HBM: variants seen among roughly 807,000 people sequenced by gnomAD.
The protein encoded by HBM is hemoglobin subunit mu.
HBM carries 9 observed loss-of-function variants against 12.8 expected under a neutral mutation model. The observed-to-expected ratio is 0.70, with a 90% CI of 0.42 to 1.23. The LOEUF (loss-of-function observed/expected upper bound fraction) is 1.23. HBM is among the 50% of genes most tolerant of loss of function. The pLI, the probability that HBM is intolerant of heterozygous loss-of-function variation, is 0.00. For synonymous variants in HBM, 100 were observed against 92.0 expected, an observed-to-expected ratio of 1.09 and a Z score of -0.50; for missense variants, 214 against 195.4, an observed-to-expected ratio of 1.10 and a Z score of -0.57.
In HBM at chr16:166,438, C is replaced by A; in HGVS notation, c.263C>A (p.Ala88Glu). 6.5e-7 allele frequency: 1 copy of A among 1,548,682 alleles called. No homozygotes were observed. Among genetic ancestry groups the A allele is most frequent in the Non-Finnish European group, 8.7e-7 (1 of 1,153,342 alleles). Residue 88 changes from alanine to glutamate, a missense_variant, in exon 2 of 3, where the codon GCG becomes GAG. By Grantham distance (107) the Ala-to-Glu change is moderately radical. Coordinates refer to ENST00000356815, the MANE Select transcript of HBM (RefSeq NM_001003938.4). ...AALSPLADLH[A>E]LVLRVDPANF... ...CTGAGCCCGCTGGCGGACCTGCACG[C>A]GCTCGTGCTGCGCGTGGACCCAGCC... is the stretch of plus-strand genomic sequence containing the variant.
At position 166,111 on chromosome 16, in the gene HBM, G is replaced by A. The variant is rs558547203; in HGVS notation, c.92+22G>A. 207 of 1,566,144 alleles carry A rather than the reference G, an allele frequency of 1.3e-4. No individual in the cohort carries two copies. The South Asian group carries it at 1.7e-3, about 13-fold the overall frequency. ...TCAGGTCGGTAGAGGCGGGGTCTCCGGGAGCTCAGGGAGGTGGAGATGAGG... is the reference window on the plus strand; with the variant it reads ...TCAGGTCGGTAGAGGCGGGGTCTCCAGGAGCTCAGGGAGGTGGAGATGAGG... On this transcript the variant is annotated intron_variant, in intron 1 of 2. Coordinates refer to ENST00000356815, the MANE Select transcript of HBM (RefSeq NM_001003938.4).
Position 166,022 on chromosome 16 carries a change from C to G in HBM, c.25C>G (p.Gln9Glu), listed in dbSNP as rs1901903400. The change falls in exon 1 of 3, where the codon CAA becomes GAA. Residue 9 changes from glutamine (Q) to glutamate (E), a missense_variant. Transcript: ENST00000356815. ...CATGCTCAGCGCCCAGGAGCGCGCC[C>G]AAATCGCGCAGGTCTGGGACCTGAT... MLSAQERAQIAQVWDLIAG... is the reference protein window; with the variant it reads MLSAQERAEIAQVWDLIAG... 6.3e-7 allele frequency: 1 copy of G among 1,595,372 alleles called. No homozygotes were observed. The highest frequency in any genetic ancestry group is 1.1e-5 in the South Asian group (1 of 89,256).
Position 166,742 on chromosome 16 carries a change from T to A in HBM, c.*34T>A. On this transcript the variant is annotated 3_prime_UTR_variant, in exon 3 of 3. Transcript: ENST00000356815. ...CTGCGCAGGCCTTGGTCTGTGCCTG[T>A]CAATAAACAGAGGCCCGAACCATCT... 6.2e-7 allele frequency: 1 copy of A among 1,611,306 alleles called. No homozygotes were observed. The highest frequency in any genetic ancestry group is 8.5e-7 in the Non-Finnish European group (1 of 1,178,620).
Position 166,414 on chromosome 16 carries a change from T to G in HBM, c.239T>G (p.Leu80Arg). Residue 80 changes from leucine to arginine, a missense_variant, in exon 2 of 3, where the codon CTG becomes CGG. Leu to Arg is a moderately radical substitution (Grantham distance 102). Transcript: ENST00000356815. Reference sequence around the variant, plus strand: ...CACGTGGACAACCTGCGCGCCGCGCTGAGCCCGCTGGCGGACCTGCACGCG... The same window carrying G: ...CACGTGGACAACCTGCGCGCCGCGCGGAGCCCGCTGGCGGACCTGCACGCG... ...VQHVDNLRAA[L>R]SPLADLHALV... The G allele has an allele frequency of 1.3e-6, 2 of 1,556,488 alleles. No individual in the cohort carries two copies. The highest frequency in any genetic ancestry group is 1.7e-6 in the Non-Finnish European group (2 of 1,158,358).
intron 2 of HBM, 44 bp downstream of exon 2, chr16:166,516 G>T: frequency 6.3e-7 from 1 of 1,576,770 alleles, no homozygotes; most frequent in South Asian, 1.1e-5. Context: ...GCGCAGCCGG[G>T]GTGGGGGGGC....
Position 166,396 on chromosome 16 carries a change from A to G in HBM, c.221A>G (p.Asp74Gly), listed in dbSNP as rs1439169160. Reference protein sequence around the residue: ...AAVGAAVQHVDNLRAALSPLA... With the variant: ...AAVGAAVQHVGNLRAALSPLA... ...GTGGGCGCGGCGGTGCAGCACGTGG[A>G]CAACCTGCGCGCCGCGCTGAGCCCG... is the stretch of plus-strand genomic sequence containing the variant. Residue 74 changes from aspartate to glycine, a missense_variant, in exon 2 of 3, where the codon GAC becomes GGC. Coordinates refer to ENST00000356815, the MANE Select transcript of HBM (RefSeq NM_001003938.4). 1.3e-6 allele frequency: 2 copies of G among 1,567,594 alleles called. No homozygotes were observed. The highest frequency in any genetic ancestry group is 1.8e-5 in the Admixed American group (1 of 55,280).
rs75368786 is a variant in HBM at position 166,743 on chromosome 16, C to A, written c.*35C>A. On this transcript the variant is annotated 3_prime_UTR_variant, in exon 3 of 3. Coordinates refer to ENST00000356815, the MANE Select transcript of HBM (RefSeq NM_001003938.4). ...TGCGCAGGCCTTGGTCTGTGCCTGT[C>A]AATAAACAGAGGCCCGAACCATCTG... 3.1e-3 allele frequency: 5,053 copies of A among 1,610,788 alleles called. 179 individuals are homozygous for A. In the East Asian group the frequency reaches 0.072, roughly 23 times the overall value.
rs1901919864 is a variant in HBM, at chr16:166,657, G to T, written c.375G>T (p.Trp125Cys). The T allele has an allele frequency of 6.2e-7, 1 of 1,614,008 alleles. No individual in the cohort carries two copies. Among genetic ancestry groups the T allele is most frequent in the South Asian group, 1.1e-5 (1 of 91,078 alleles). The change falls in exon 3 of 3, where the codon TGG becomes TGT. Residue 125 changes from tryptophan (W) to cysteine (C), a missense_variant. Physicochemically the swap from Trp to Cys is radical, Grantham distance 215. Transcript: ENST00000356815. ...DEFTVQMQAA[W>C]DKFLTGVAVV... is the part of the protein sequence containing the mutation. ...TCACCGTGCAAATGCAAGCGGCGTG[G>T]GACAAGTTCCTGACTGGTGTGGCCG...
At position 166,034 on chromosome 16, in the gene HBM, G is replaced by A. The variant is rs751551683; in HGVS notation, c.37G>A (p.Val13Ile). The change falls in exon 1 of 3, where the codon GTC becomes ATC. Residue 13 changes from valine (V) to isoleucine (I), a missense_variant. Transcript: ENST00000356815. ...CCAGGAGCGCGCCCAAATCGCGCAG[G>A]TCTGGGACCTGATTGCGGGCCACGA... The part of the protein sequence containing the change: ...SAQERAQIAQ[V>I]WDLIAGHEAQ... 3 of 1,599,836 alleles carry A rather than the reference G, an allele frequency of 1.9e-6. No individual in the cohort carries two copies. Among genetic ancestry groups the A allele is most frequent in the Non-Finnish European group, 1.7e-6 (2 of 1,176,120 alleles).
chr16:166,394 G>A lies in HBM; in HGVS notation c.219G>A (p.Val73=). ...CTGTGGGCGCGGCGGTGCAGCACGT[G>A]GACAACCTGCGCGCCGCGCTGAGCC... The part of the protein sequence containing the change: ...LAAVGAAVQH[V]DNLRAALSPL... The change falls in exon 2 of 3, where the codon GTG becomes GTA. Residue 73 remains valine, a synonymous_variant. Coordinates refer to ENST00000356815, the MANE Select transcript of HBM (RefSeq NM_001003938.4). 1.3e-6 allele frequency: 2 copies of A among 1,568,990 alleles called. No homozygotes were observed. Among genetic ancestry groups the A allele is most frequent in the African/African-American group, 1.3e-5 (1 of 74,308 alleles).
chr16:166,438 C>T lies in HBM; in HGVS notation c.263C>T (p.Ala88Val), dbSNP rs758095270. ...CTGAGCCCGCTGGCGGACCTGCACGCGCTCGTGCTGCGCGTGGACCCAGCC... is the reference window on the plus strand; with the variant it reads ...CTGAGCCCGCTGGCGGACCTGCACGTGCTCGTGCTGCGCGTGGACCCAGCC... The part of the protein sequence containing the change: ...AALSPLADLH[A>V]LVLRVDPANF... Residue 88 changes from alanine to valine, a missense_variant, in exon 2 of 3, where the codon GCG becomes GTG. Coordinates refer to ENST00000356815, the MANE Select transcript of HBM (RefSeq NM_001003938.4). 12 of 1,548,568 alleles carry T rather than the reference C, an allele frequency of 7.7e-6. No homozygotes were observed. In the Admixed American group the frequency reaches 1.7e-4, roughly 22 times the overall value.
intron 2 of HBM, 31 bp downstream of exon 2, chr16:166,503 A>C: frequency 1.3e-6 from 2 of 1,524,968 alleles, no homozygotes; most frequent in South Asian, 2.3e-5. Context: ...GCAATGGTGC[A>C]GCGCGCAGCC....
In HBM at chr16:166,546, G is replaced by T. The variant is rs775425967; in HGVS notation, c.298-34G>T. The T allele has an allele frequency of 6.9e-6, 11 of 1,605,564 alleles. No homozygotes were observed. In the Middle Eastern group the frequency reaches 5.0e-4, roughly 73 times the overall value. Reference sequence around the variant, plus strand: ...GGGGGCTCTGGGGGTCCCTAGCGGGGCAGACCCCGTCTCACCGGCCCCTTC... The same window carrying T: ...GGGGGCTCTGGGGGTCCCTAGCGGGTCAGACCCCGTCTCACCGGCCCCTTC... On this transcript the variant is annotated intron_variant, in intron 2 of 2. Transcript: ENST00000356815.
At position 166,715 on chromosome 16, in the gene HBM, T is replaced by C. The variant is rs755711188; in HGVS notation, c.*7T>C. The C allele has an allele frequency of 2.1e-5, 34 of 1,613,802 alleles. No individual in the cohort carries two copies. The highest frequency in any genetic ancestry group is 1.6e-4 in the Middle Eastern group (1 of 6,084). On this transcript the variant is annotated 3_prime_UTR_variant, in exon 3 of 3. Coordinates refer to ENST00000356815, the MANE Select transcript of HBM (RefSeq NM_001003938.4). ...GACCGAAAAATACCGCTGAGCCCTG[T>C]GCTGCGCAGGCCTTGGTCTGTGCCT... is the stretch of plus-strand genomic sequence containing the variant.
chr16:166,402 T>C lies in HBM; in HGVS notation c.227T>C (p.Leu76Pro). 2 of 1,564,322 alleles carry C rather than the reference T, an allele frequency of 1.3e-6. No homozygotes were observed. The highest frequency in any genetic ancestry group is 2.3e-5 in the South Asian group (2 of 87,378). Residue 76 changes from leucine to proline, a missense_variant, in exon 2 of 3, where the codon CTG (leucine) becomes CCG (proline). Transcript: ENST00000356815. The stretch of plus-strand genomic sequence containing the variant: ...GCGGCGGTGCAGCACGTGGACAACC[T>C]GCGCGCCGCGCTGAGCCCGCTGGCG... Reference protein sequence around the residue: ...VGAAVQHVDNLRAALSPLADL... With the variant: ...VGAAVQHVDNPRAALSPLADL...
Position 166,374 on chromosome 16 carries a change from G to C in HBM, c.199G>C (p.Gly67Arg). The change falls in exon 2 of 3, where the codon GGC becomes CGC. Residue 67 changes from glycine (G) to arginine (R), a missense_variant. By Grantham distance (125) the Gly-to-Arg change is moderately radical (BLOSUM62 -2). Coordinates refer to ENST00000356815, the MANE Select transcript of HBM (RefSeq NM_001003938.4). The stretch of plus-strand genomic sequence containing the variant: ...CGGGCAGCGCATGCTGGCGGCTGTG[G>C]GCGCGGCGGTGCAGCACGTGGACAA... ...SHGQRMLAAV[G>R]AAVQHVDNLR... is the part of the protein sequence containing the mutation. The C allele has an allele frequency of 6.3e-7, 1 of 1,581,618 alleles. No individual in the cohort carries two copies. The highest frequency in any genetic ancestry group is 8.5e-7 in the Non-Finnish European group (1 of 1,172,272).
In HBM at chr16:166,006, C is replaced by G. The variant is rs777185588; in HGVS notation, c.9C>G (p.Ser3Arg). Residue 3 changes from serine (S) to arginine (R), a missense_variant, in exon 1 of 3, where the codon AGC (serine) becomes AGG (arginine). Ser to Arg is a moderately radical substitution (Grantham distance 110). Coordinates refer to ENST00000356815, the MANE Select transcript of HBM (RefSeq NM_001003938.4). Reference sequence around the variant, plus strand: ...GCACGTCAGGCGGCGCCATGCTCAGCGCCCAGGAGCGCGCCCAAATCGCGC... The same window carrying G: ...GCACGTCAGGCGGCGCCATGCTCAGGGCCCAGGAGCGCGCCCAAATCGCGC... The part of the protein sequence containing the change: ML[S>R]AQERAQIAQV... 6.3e-7 allele frequency: 1 copy of G among 1,585,462 alleles called. No homozygotes were observed. The highest frequency in any genetic ancestry group is 1.1e-5 in the South Asian group (1 of 88,416).
chr16:166,614 C>G lies in HBM; in HGVS notation c.332C>G (p.Ser111Cys). 1 of 1,614,006 alleles carries G rather than the reference C, an allele frequency of 6.2e-7. No homozygotes were observed. The highest frequency in any genetic ancestry group is 1.3e-5 in the African/African-American group (1 of 75,056). ...LIQCFHVVLA[S>C]HLQDEFTVQM... ...CAGTGTTTCCACGTCGTGCTGGCCT[C>G]CCACCTGCAGGACGAGTTCACCGTG... Residue 111 changes from serine (S) to cysteine (C), a missense_variant, in exon 3 of 3, where the codon TCC becomes TGC. Coordinates refer to ENST00000356815, the MANE Select transcript of HBM (RefSeq NM_001003938.4).
At position 166,126 on chromosome 16, in the gene HBM, TGGA is replaced by T; in HGVS notation, c.92+39_92+41del. The T allele has an allele frequency of 4.5e-6, 7 of 1,540,664 alleles. No homozygotes were observed. In the South Asian group the frequency reaches 8.0e-5, roughly 18 times the overall value. ...CGGGGTCTCCGGGAGCTCAGGGAGGTGGAGATGAGGGTTTTGGGCGCGTGGGCC... is the reference window on the plus strand; with the variant it reads ...CGGGGTCTCCGGGAGCTCAGGGAGGTGATGAGGGTTTTGGGCGCGTGGGCC... On this transcript the variant is annotated intron_variant, in intron 1 of 2. Transcript: ENST00000356815.
Sources: gnomAD v4.1 joint callset for allele counts on GRCh38, gnomAD v4.1.1 for gene constraint, MANE v1.5 for transcripts, NCBI Gene and HGNC (gene_info 2026-07-23, HGNC 2026-07-21) for gene names.